The following CACNA1C variants were observed in gnomAD, a reference collection of about 807,000 sequenced individuals.
CACNA1C encodes voltage-dependent L-type calcium channel subunit alpha-1C.
CACNA1C carries 30 observed loss-of-function variants against 229.0 expected under a neutral mutation model. The observed-to-expected ratio is 0.13, with a 90% CI of 0.10 to 0.18. The LOEUF (loss-of-function observed/expected upper bound fraction) is 0.18, where lower values mean the gene tolerates loss of function less well. CACNA1C is among the 10% of genes least tolerant of loss of function. The pLI, the probability that CACNA1C is intolerant of heterozygous loss-of-function variation, is 1.00. For missense variants in CACNA1C, 1,658 were observed against 2,845.0 expected (o/e 0.58, Z 9.49); for synonymous variants, 1,114 against 1,132.5 (o/e 0.98, Z 0.33).
chr12:2,294,302 G>A (rs2093801353), intron 3 of CACNA1C, among the ~76,000 whole-genome samples: 1 of 152,154 alleles, frequency 6.6e-6, no homozygotes, highest in African/African-American at 2.4e-5. Flanking sequence ...CTGGCAGAAG[G>A]AAGAGCGTGG....
rs796121361 is a variant in CACNA1C at position 2,130,060 on chromosome 12, A to ATTGAAGTT, written c.477+9631_477+9638dup. ...CTTTGTTCTCTCTAGTTTCTGTATG[A>ATTGAAGTT]TTGAAGTTGTTGGATTGGCGCCTTC... is the stretch of plus-strand genomic sequence containing the variant. On this transcript the variant is annotated intron_variant, in intron 3 of 46. Coordinates refer to ENST00000399655, the MANE Select transcript of CACNA1C (RefSeq NM_000719.7). Among the ~76,000 whole-genome samples, 14 of 152,122 alleles carry ATTGAAGTT rather than the reference A, an allele frequency of 9.2e-5. No individual in the cohort carries two copies. The South Asian group carries it at 2.9e-3, about 32-fold the overall frequency.
chr12:2,574,793 G>A (rs761215603), intron 13 of CACNA1C, among the ~76,000 whole-genome samples: 2 of 152,254 alleles, frequency 1.3e-5, no homozygotes, highest in African/African-American at 2.4e-5. Context: ...TATTAAGGAA[G>A]TCTGTTTGGC....
At chr12:2,150,827 A>G (rs2095179783) in intron 3 of CACNA1C, among the ~76,000 whole-genome samples, 1 of 152,206 alleles carries the variant, frequency 6.6e-6, no homozygotes, top group Non-Finnish European at 1.5e-5. Flanking sequence ...TCTCACTCTG[A>G]TAACAATCTT....
intron 3 of CACNA1C, among the ~76,000 whole-genome samples, chr12:2,426,564 T>C (rs1438243813): frequency 6.6e-6 from 1 of 152,252 alleles, no homozygotes; most frequent in Non-Finnish European, 1.5e-5. Context: ...GATATATCAG[T>C]TAGCTTGTGC....
At chr12:2,239,301 T>C (rs1328827649) in intron 3 of CACNA1C, among the ~76,000 whole-genome samples, 1 of 152,014 alleles carries the variant, frequency 6.6e-6, no homozygotes, top group Non-Finnish European at 1.5e-5. Context: ...GTCAGTCACC[T>C]GAATGACGGT....
rs906953314 is a variant in CACNA1C at position 2,054,229 on chromosome 12, C to G, written c.49+618C>G. Among the ~76,000 whole-genome samples, 2 of 152,062 alleles carry G rather than the reference C, an allele frequency of 1.3e-5. No individual in the cohort carries two copies. Among genetic ancestry groups the G allele is most frequent in the African/African-American group, 2.4e-5 (1 of 41,440 alleles). ...CCTCTGGTTCCCCCTCTGTAGGTCC[C>G]CTTCTTCCTCTCTCCCTCCCTCCTC... On this transcript the variant is annotated intron_variant, in intron 1 of 46. Coordinates refer to ENST00000399655, the MANE Select transcript of CACNA1C (RefSeq NM_000719.7). This position sits in a 1 kb window ranked among gnomAD's most constrained non-coding sequence, Gnocchi z 5.5.
At chr12:2,612,789 G>A (rs1333867167) in intron 29 of CACNA1C, 1 of 152,222 alleles carries the variant, frequency 6.6e-6, no homozygotes, top group African/African-American at 2.4e-5. Context: ...TCTGTAGATG[G>A]GTCAGAATCA....
chr12:2,501,279 A>G (rs1157954117), intron 7 of CACNA1C, among the ~76,000 whole-genome samples: 1 of 149,716 alleles, frequency 6.7e-6, no homozygotes, highest in Non-Finnish European at 1.5e-5. Context: ...ACTGCTTCTG[A>G]CCCTCCTTAG....
chr12:2,089,390 C>A (rs1371642531), intron 1 of CACNA1C, among the ~76,000 whole-genome samples: 2 of 152,280 alleles, frequency 1.3e-5, no homozygotes, highest in South Asian at 4.1e-4. Flanking sequence ...TGAGCACCTC[C>A]TATGTGTAAA....
At chr12:2,452,968 G>T (rs1237271021) in intron 4 of CACNA1C, among the ~76,000 whole-genome samples, 1 of 152,256 alleles carries the variant, frequency 6.6e-6, no homozygotes, top group East Asian at 1.9e-4. Flanking sequence ...CCCCCATCCT[G>T]GCAACTTCTG....
At chr12:2,574,109 C>A (rs2057454255) in intron 13 of CACNA1C, among the ~76,000 whole-genome samples, 1 of 152,174 alleles carries the variant, frequency 6.6e-6, no homozygotes, top group African/African-American at 2.4e-5. Context: ...GAAGCCTGTA[C>A]TAGACTGTAA....
chr12:2,170,914 T>G (rs2096452510), intron 3 of CACNA1C, among the ~76,000 whole-genome samples: 1 of 152,180 alleles, frequency 6.6e-6, no homozygotes, highest in African/African-American at 2.4e-5. Context: ...CCCCTGCTGC[T>G]TGGGAGGGTA....
rs1030609389 is a variant in CACNA1C, at chr12:2,285,592, A to T, written c.478-163384A>T. Among the ~76,000 whole-genome samples the T allele has an allele frequency of 1.3e-5, 2 of 151,916 alleles. No homozygotes were observed. The highest frequency in any genetic ancestry group is 4.8e-5 in the African/African-American group (2 of 41,356). On this transcript the variant is annotated intron_variant, in intron 3 of 46. Transcript: ENST00000399655. The surrounding 1 kb of genome is among the most constrained non-coding windows in gnomAD (Gnocchi z 4.2). ...AGACGGGTTGACTTTCAATGAGAGGACTCTGCTGTGCCGCAGAGCTGGAAT... is the reference window on the plus strand; with the variant it reads ...AGACGGGTTGACTTTCAATGAGAGGTCTCTGCTGTGCCGCAGAGCTGGAAT...
chr12:2,413,674 C>T (rs1057102554), intron 3 of CACNA1C, among the ~76,000 whole-genome samples: 2 of 152,190 alleles, frequency 1.3e-5, no homozygotes, highest in African/African-American at 2.4e-5. Flanking sequence ...CAAGTCCCGC[C>T]GTCCCTCCAT....
intron 1 of CACNA1C, among the ~76,000 whole-genome samples, chr12:2,094,289 C>G (rs1350791399): frequency 6.6e-6 from 1 of 152,178 alleles, no homozygotes; most frequent in African/African-American, 2.4e-5. Context: ...ATGGACAGTG[C>G]ACATCCCATG....
At chr12:1,975,783 C>T (rs1442276322) in intron 1 of CACNA1C, among the ~76,000 whole-genome samples, 1 of 152,176 alleles carries the variant, frequency 6.6e-6, no homozygotes, top group Non-Finnish European at 1.5e-5. Flanking sequence ...GACTTTGCCA[C>T]ATGGGTTTTT....
At chr12:2,109,930 G>A (rs1012429128) in intron 1 of CACNA1C, among the ~76,000 whole-genome samples, 5 of 152,182 alleles carry the variant, frequency 3.3e-5, no homozygotes, top group Admixed American at 1.3e-4. Flanking sequence ...CTTCTACAGT[G>A]TCACTGTAGT....
chr12:2,397,141 T>G (rs1214563437), intron 3 of CACNA1C, among the ~76,000 whole-genome samples: 1 of 152,250 alleles, frequency 6.6e-6, no homozygotes, highest in Non-Finnish European at 1.5e-5. Context: ...AGCCACACTC[T>G]AAAGATCATC....
At chr12:2,628,091 C>T (rs937308914) in intron 29 of CACNA1C, among the ~76,000 whole-genome samples, 2 of 152,226 alleles carry the variant, frequency 1.3e-5, no homozygotes, top group Admixed American at 6.5e-5. Flanking sequence ...GAAAGGTGTG[C>T]GGACTTCGTC....
Sources: allele counts gnomAD v4.1 joint callset (sites outside exome capture counted in the v4.1 genomes callset), GRCh38; gene constraint gnomAD v4.1.1; non-coding constraint Gnocchi (gnomAD v3.1); transcripts MANE v1.5; gene names NCBI Gene and HGNC (gene_info 2026-07-23, HGNC 2026-07-21).